NRXN3: variants seen among roughly 807,000 people sequenced by gnomAD.
NRXN3 encodes the protein neurexin III.
In NRXN3, 32 loss-of-function variants were observed where a neutral mutation model predicts 137.6. That is an observed-to-expected ratio of 0.23 (90% CI 0.18 to 0.31). The LOEUF (loss-of-function observed/expected upper bound fraction) is 0.31, where lower values mean the gene tolerates loss of function less well. NRXN3 is among the 10% of genes least tolerant of loss of function. The probability of loss-of-function intolerance (pLI) is 1.00; values close to 1 mark genes in which losing one functional copy is unlikely to be tolerated. For missense variants in NRXN3, 1,574 were observed against 2,062.5 expected, an observed-to-expected ratio of 0.76 and a Z score of 4.59; for synonymous variants, 798 against 784.5, an observed-to-expected ratio of 1.02 and a Z score of -0.29.
At chr14:78,349,513 C>T (rs1318818449) in intron 4 of NRXN3, among the ~76,000 whole-genome samples, 4 of 152,242 alleles carry the variant, frequency 2.6e-5, no homozygotes, top group African/African-American at 9.6e-5. Context: ...CCCACATGTT[C>T]ATTTTAAAGT....
At chr14:78,177,233 A>T (rs1043262712) in intron 1 of NRXN3, among the ~76,000 whole-genome samples, 1 of 152,136 alleles carries the variant, frequency 6.6e-6, no homozygotes. Flanking sequence ...AGTGTGCTTC[A>T]TTTGTGTTTC....
In NRXN3 at chr14:78,645,429, C is replaced by T; in HGVS notation, c.1059+8C>T. ...ACACGCAACCTCCGGCAGGTAATGG[C>T]TGAGGGGAGAGAATTCCTGGAAGGC... On this transcript the variant is annotated splice_region_variant and intron_variant, in intron 5 of 20. Coordinates refer to ENST00000335750, the MANE Select transcript of NRXN3 (RefSeq NM_001330195.2). 2 of 1,563,222 alleles carry T rather than the reference C, an allele frequency of 1.3e-6. No individual in the cohort carries two copies. The highest frequency in any genetic ancestry group is 1.7e-6 in the Non-Finnish European group (2 of 1,159,944).
chr14:78,220,412 A>G (rs978382263), intron 1 of NRXN3, among the ~76,000 whole-genome samples: 3 of 152,124 alleles, frequency 2.0e-5, no homozygotes, highest in Admixed American at 2.0e-4. Flanking sequence ...TGCAGCAGGA[A>G]GGCCTGGGAG....
chr14:79,782,980 C>T (rs2099118548), intron 19 of NRXN3, among the ~76,000 whole-genome samples: 1 of 152,176 alleles, frequency 6.6e-6, no homozygotes, highest in African/African-American at 2.4e-5. Context: ...TCAATGTTCA[C>T]TTACTCATAG....
At chr14:79,482,004 C>G (rs2096613555) in intron 16 of NRXN3, among the ~76,000 whole-genome samples, 1 of 152,108 alleles carries the variant, frequency 6.6e-6, no homozygotes, top group Admixed American at 6.6e-5. Context: ...CCAATCTTAG[C>G]TGCTACAATT....
intron 10 of NRXN3, among the ~76,000 whole-genome samples, chr14:78,863,375 G>A (rs913863761): frequency 6.6e-6 from 1 of 152,110 alleles, no homozygotes; most frequent in African/African-American, 2.4e-5. Context: ...CTGCAACTCA[G>A]TCCCCTTAGT....
chr14:78,722,204 C>A (rs994912495), intron 8 of NRXN3, among the ~76,000 whole-genome samples: 8 of 152,126 alleles, frequency 5.3e-5, no homozygotes, highest in African/African-American at 1.9e-4. Flanking sequence ...AGAATCGACA[C>A]CTGCATTCAA....
intron 4 of NRXN3, among the ~76,000 whole-genome samples, chr14:78,307,817 A>G (rs1318757029): frequency 6.6e-6 from 1 of 152,286 alleles, no homozygotes; most frequent in East Asian, 1.9e-4. Context: ...TGACATAATA[A>G]CAATCACAAG....
chr14:78,797,109 AG>A (rs1234987315), intron 8 of NRXN3, among the ~76,000 whole-genome samples: 2 of 152,246 alleles, frequency 1.3e-5, no homozygotes, highest in Non-Finnish European at 2.9e-5. Context: ...ATACACTCAC[AG>A]GAAGGCAAGC....
chr14:79,206,441 T>C (rs1210521127), intron 15 of NRXN3, among the ~76,000 whole-genome samples: 1 of 152,172 alleles, frequency 6.6e-6, no homozygotes, highest in Non-Finnish European at 1.5e-5. Context: ...TGTGTGTCAG[T>C]GACAAGGGTC....
At chr14:79,508,173 A>G (rs2096895746) in intron 16 of NRXN3, among the ~76,000 whole-genome samples, 1 of 152,050 alleles carries the variant, frequency 6.6e-6, no homozygotes, top group South Asian at 2.1e-4. Context: ...ATAATACCTC[A>G]TGCATATGGC....
intron 15 of NRXN3, among the ~76,000 whole-genome samples, chr14:79,231,903 G>A (rs1249368061): frequency 6.6e-6 from 1 of 152,056 alleles, no homozygotes; most frequent in African/African-American, 2.4e-5. Context: ...GAGGTCTAGG[G>A]GGTGATAGGA....
At chr14:78,455,166 C>T (rs1483780724) in intron 4 of NRXN3, among the ~76,000 whole-genome samples, 2 of 152,226 alleles carry the variant, frequency 1.3e-5, no homozygotes, top group East Asian at 1.9e-4. Context: ...CGCAACTGCA[C>T]TGCACCCCCT....
chr14:79,302,617 G>A (rs913417730), intron 15 of NRXN3, among the ~76,000 whole-genome samples: 7 of 151,860 alleles, frequency 4.6e-5, no homozygotes, highest in Non-Finnish European at 1.0e-4. Context: ...CAGAGGGAGG[G>A]ACCTAGTGGG....
At chr14:79,205,708 T>C (rs926504371) in intron 15 of NRXN3, among the ~76,000 whole-genome samples, 2 of 152,174 alleles carry the variant, frequency 1.3e-5, no homozygotes, top group Admixed American at 1.3e-4. Context: ...AATCATTTAG[T>C]CCTATGACAG....
chr14:78,521,825 G>C (rs2096288514), intron 4 of NRXN3, among the ~76,000 whole-genome samples: 1 of 152,060 alleles, frequency 6.6e-6, no homozygotes, highest in Non-Finnish European at 1.5e-5. Context: ...TGTTTTTGGG[G>C]GTTAACAAAA....
chr14:78,549,601 C>A (rs1330714575), intron 4 of NRXN3, among the ~76,000 whole-genome samples: 1 of 152,050 alleles, frequency 6.6e-6, no homozygotes, highest in Non-Finnish European at 1.5e-5. Flanking sequence ...ACAGGTGACC[C>A]CAGTGGATAT....
At chr14:78,235,637 G>C (rs2066187266) in intron 1 of NRXN3, among the ~76,000 whole-genome samples, 1 of 151,168 alleles carries the variant, frequency 6.6e-6, no homozygotes, top group South Asian at 2.1e-4. Flanking sequence ...TAAAAAAAAA[G>C]TCTCTTCCTG....
chr14:79,508,389 G>GTTTTTTTTTTTTTTTT (rs1567328889), intron 16 of NRXN3, among the ~76,000 whole-genome samples: 12 of 12,548 alleles, frequency 9.6e-4, no homozygotes, highest in Admixed American at 1.8e-3. Flanking sequence ...AACAATAACT[G>GTTTTTTTTTTTTTTTT]ATTTTTTTTT....
Sources: gnomAD v4.1 joint callset for allele counts (sites outside exome capture counted in the v4.1 genomes callset) on GRCh38, gnomAD v4.1.1 for gene constraint, MANE v1.5 for transcripts, NCBI Gene and HGNC (gene_info 2026-07-23, HGNC 2026-07-21) for gene names.